The following RUFY1 variants were observed in gnomAD, a reference collection of about 807,000 sequenced individuals.
RUFY1 encodes RUN and FYVE domain containing 1.
Under a neutral mutation model 94.6 loss-of-function variants are expected in RUFY1, and 54 were observed. That is an observed-to-expected ratio of 0.57 (90% CI 0.46 to 0.72). The LOEUF (loss-of-function observed/expected upper bound fraction) is 0.72. RUFY1 is among the 30% of genes least tolerant of loss of function. RUFY1 has a pLI of 0.00. For missense variants in RUFY1, 883 were observed against 883.9 expected (o/e 1.00, Z 0.01); for synonymous variants, 396 against 347.3 (o/e 1.14, Z -1.56).
intron 8 of RUFY1, chr5:179,589,319 A>T: frequency 2.1e-6 from 1 of 467,876 alleles, no homozygotes; most frequent in East Asian, 3.9e-5. Flanking sequence ...GAAAATCTGG[A>T]GAGGGCAGAG....
chr5:179,596,896 A>G (rs1765710435), intron 13 of RUFY1: 2 of 541,950 alleles, frequency 3.7e-6, no homozygotes, highest in South Asian at 3.2e-5. Flanking sequence ...GCTCGCCTCC[A>G]GAAGATCTGG....
At chr5:179,602,215 G>A (rs1217611808) in intron 15 of RUFY1, 7 of 534,454 alleles carry the variant, frequency 1.3e-5, no homozygotes, top group Admixed American at 6.2e-5. Flanking sequence ...CAGGAAGCAC[G>A]TTCATTCCTA....
intron 4 of RUFY1, among the ~76,000 whole-genome samples, chr5:179,567,805 G>A (rs987734895): frequency 1.3e-5 from 2 of 152,082 alleles, no homozygotes; most frequent in Non-Finnish European, 2.9e-5. Context: ...TCAGAAGGCT[G>A]AGGCAGGAGA....
At position 179,561,678 on chromosome 5, in the gene RUFY1, C is replaced by CTTTTTT. The variant is rs71001004; in HGVS notation, c.485-849_485-844dup. Among the ~76,000 whole-genome samples, 315 of 64,622 alleles carry CTTTTTT rather than the reference C, an allele frequency of 4.9e-3. 8 individuals carry two copies. The highest frequency in any genetic ancestry group is 5.9e-3 in the Non-Finnish European group (210 of 35,734). 42.4% of individuals were successfully genotyped at this position (64,622 alleles called of 152,430 possible). A position where few individuals can be genotyped will look rare whatever the true frequency, so the allele number is the denominator to read the frequency against. ...CTATAAGGCAACTGTTTTTTTCTTT[C>CTTTTTT]TTTTTTTTTTTTTTTTTTTTTTTTT... On this transcript the variant is annotated intron_variant, in intron 2 of 17. Coordinates refer to ENST00000319449, the MANE Select transcript of RUFY1 (RefSeq NM_025158.5).
chr5:179,596,454 AGTTAATTTTACTGTATG>A, intron 12 of RUFY1, 91 bp from the exon 13 acceptor site: 1 of 1,373,844 alleles, frequency 7.3e-7, no homozygotes, highest in Non-Finnish European at 1.0e-6. Context: ...AACTCACAAG[AGTTAATTTTACTGTATG>A]GTAATTTTAA....
chr5:179,573,016 A>AT (rs1357712857), intron 5 of RUFY1, among the ~76,000 whole-genome samples: 1 of 152,174 alleles, frequency 6.6e-6, no homozygotes. Flanking sequence ...CATGTAATAT[A>AT]TTTTTTCTAC....
chr5:179,564,047 C>T lies in RUFY1; in HGVS notation c.602+1383C>T, dbSNP rs138675125. ...TTGTTCTTTATATGGTACAATTTCT[C>T]ATACCCTTCCTGTCCAGCTCACTCA... is the stretch of plus-strand genomic sequence containing the variant. On this transcript the variant is annotated intron_variant, in intron 3 of 17. Coordinates refer to ENST00000319449, the MANE Select transcript of RUFY1 (RefSeq NM_025158.5). Among the ~76,000 whole-genome samples the T allele has an allele frequency of 4.2e-3, 631 of 151,964 alleles. 2 individuals are homozygous for T. The highest frequency in any genetic ancestry group is 0.014 in the African/African-American group (584 of 41,444).
chr5:179,580,465 A>G (rs1562023765), intron 6 of RUFY1, among the ~76,000 whole-genome samples: 1 of 150,754 alleles, frequency 6.6e-6, no homozygotes, highest in Non-Finnish European at 1.5e-5. Context: ...GATGGTCTCC[A>G]TCTCCTGACC....
rs575789688 is a variant in RUFY1, at chr5:179,601,210, C to T, written c.1762-682C>T. Among the ~76,000 whole-genome samples, 30 of 151,984 alleles carry T rather than the reference C, an allele frequency of 2.0e-4. No homozygotes were observed. In the Middle Eastern group the frequency reaches 0.01, roughly 52 times the overall value. ...TTGAGATGGAGTCTTGCTCTGTCGC[C>T]CAGGCTGGAGTACAGTAGCACCATC... On this transcript the variant is annotated intron_variant, in intron 14 of 17. Coordinates refer to ENST00000319449, the MANE Select transcript of RUFY1 (RefSeq NM_025158.5).
chr5:179,556,689 C>T (rs891005190), intron 1 of RUFY1, among the ~76,000 whole-genome samples: 6 of 151,824 alleles, frequency 4.0e-5, no homozygotes, highest in South Asian at 2.1e-4. Flanking sequence ...TTAGTAGAGA[C>T]GGGTTTTACC....
intron 10 of RUFY1, among the ~76,000 whole-genome samples, chr5:179,592,568 C>T (rs1182802914): frequency 6.6e-6 from 1 of 152,178 alleles, no homozygotes; most frequent in Non-Finnish European, 1.5e-5. Context: ...TAAATCTTTA[C>T]AGGGATTGCT....
At chr5:179,575,267 C>T (rs772891755) in intron 5 of RUFY1, among the ~76,000 whole-genome samples, 6 of 152,036 alleles carry the variant, frequency 3.9e-5, no homozygotes, top group Non-Finnish European at 7.4e-5. Flanking sequence ...TTCAGCTAGT[C>T]GGTTCTTGTT....
rs541715870 is a variant in RUFY1, at chr5:179,592,107, G to A, written c.1245+366G>A. Among the ~76,000 whole-genome samples the A allele has an allele frequency of 3.3e-5, 5 of 151,840 alleles. No individual in the cohort carries two copies. The South Asian group carries it at 1.0e-3, about 32-fold the overall frequency. On this transcript the variant is annotated intron_variant, in intron 10 of 17. Transcript: ENST00000319449. ...TTGCAGGCACCCGCCACCACACCCG[G>A]CTAATTTTTTGGTTTTTGGTTTTTT...
At chr5:179,598,471 G>T (rs576200038) in intron 13 of RUFY1, 1 of 583,688 alleles carries the variant, frequency 1.7e-6, no homozygotes. Flanking sequence ...TCTCCCCTGC[G>T]TAAGTGTCAA....
intron 15 of RUFY1, among the ~76,000 whole-genome samples, chr5:179,604,760 T>G (rs1422273189): frequency 6.6e-6 from 1 of 152,014 alleles, no homozygotes; most frequent in Non-Finnish European, 1.5e-5. Flanking sequence ...GGCAGGTGGA[T>G]CACTTGAGGT....
intron 14 of RUFY1, 90 bp downstream of exon 14, chr5:179,598,911 T>G: frequency 6.8e-7 from 1 of 1,460,726 alleles, no homozygotes; most frequent in Non-Finnish European, 9.4e-7. Context: ...CCCGCACCCT[T>G]TGTGTGGGGG....
At chr5:179,578,571 T>C (rs1392303404) in intron 6 of RUFY1, among the ~76,000 whole-genome samples, 7 of 151,958 alleles carry the variant, frequency 4.6e-5, no homozygotes, top group Non-Finnish European at 8.8e-5. Context: ...TTAACAAGGG[T>C]ATTCTTTTAT....
At chr5:179,562,154 C>A (rs1458699410) in intron 2 of RUFY1, among the ~76,000 whole-genome samples, 1 of 151,962 alleles carries the variant, frequency 6.6e-6, no homozygotes, top group African/African-American at 2.4e-5. Flanking sequence ...TGGCTCACGC[C>A]TGTTATCCCA....
At position 179,609,837 on chromosome 5, in the gene RUFY1, T is replaced by G. The variant is rs573533284; in HGVS notation, c.*318T>G. On this transcript the variant is annotated 3_prime_UTR_variant, in exon 18 of 18. Transcript: ENST00000319449. ...TTAACCTATTTTACAGCAGTTCAGT[T>G]CTGCTAGTGAGTAGTTTTCCTCTCC... The G allele has an allele frequency of 1.1e-3, 264 of 235,820 alleles. 1 individual carries two copies. The highest frequency in any genetic ancestry group is 1.8e-3 in the Non-Finnish European group (218 of 121,896). 14.6% of individuals were successfully genotyped at this position (235,820 alleles called of 1,614,324 possible).
Sources: gnomAD v4.1 joint callset for allele counts (sites outside exome capture counted in the v4.1 genomes callset) on GRCh38, gnomAD v4.1.1 for gene constraint, MANE v1.5 for transcripts, NCBI Gene and HGNC (gene_info 2026-07-23, HGNC 2026-07-21) for gene names.